The following CNTN5 variants were observed in gnomAD, a reference collection of about 807,000 sequenced individuals.
CNTN5 encodes contactin-5.
Under a neutral mutation model 129.1 loss-of-function variants are expected in CNTN5, and 77 were observed. The observed-to-expected ratio is 0.60, with a 90% confidence interval of 0.50 to 0.72. The LOEUF (loss-of-function observed/expected upper bound fraction) is 0.72. Among genes scored for constraint, CNTN5 ranks in the 30% least tolerant of loss-of-function variants. The pLI is 0.00. For synonymous variants in CNTN5, 509 were observed against 465.6 expected, an observed-to-expected ratio of 1.09 and a Z score of -1.20; for missense variants, 1,478 against 1,328.8, an observed-to-expected ratio of 1.11 and a Z score of -1.75.
rs566359429 is a variant in CNTN5, at chr11:100,143,610, AG to A, written c.1581-47512del. Among the ~76,000 whole-genome samples the A allele has an allele frequency of 8.5e-4, 130 of 152,158 alleles. 1 individual carries two copies. Among genetic ancestry groups the A allele is most frequent in the Non-Finnish European group, 1.2e-3 (80 of 68,018 alleles). On this transcript the variant is annotated intron_variant, in intron 13 of 24. Coordinates refer to ENST00000524871, the MANE Select transcript of CNTN5 (RefSeq NM_014361.4). ...AAAAAAGGAAGGAGATTCCAAGGGA[AG>A]GGGAGGGCAATGTTTATGAACTACA...
At chr11:99,276,958 A>T (rs1863466608) in intron 1 of CNTN5, among the ~76,000 whole-genome samples, 1 of 151,624 alleles carries the variant, frequency 6.6e-6, no homozygotes, top group Non-Finnish European at 1.5e-5. Context: ...GGCTGCAATT[A>T]TTAGGATATG....
chr11:99,997,959 T>C (rs1000678317), intron 8 of CNTN5, among the ~76,000 whole-genome samples: 4 of 152,164 alleles, frequency 2.6e-5, no homozygotes, highest in African/African-American at 9.7e-5. Flanking sequence ...TCAACAATCT[T>C]CATGCTAAAA....
chr11:100,070,506 A>G lies in CNTN5; in HGVS notation c.1245A>G (p.Gly415=). The part of the protein sequence containing the change: ...SPLRWECKAT[G]KPRPTYRWLK... ...TCCGATGGGAATGTAAGGCTACTGG[A>G]AAACCCAGACCCACGTATCGTTGGC... is the stretch of plus-strand genomic sequence containing the variant. Residue 415 remains glycine, a synonymous_variant, in exon 11 of 25, where the codon GGA becomes GGG. Transcript: ENST00000524871. The G allele has an allele frequency of 6.2e-7, 1 of 1,613,176 alleles. No individual in the cohort carries two copies. The highest frequency in any genetic ancestry group is 1.7e-5 in the Admixed American group (1 of 59,898).
chr11:100,004,963 C>A (rs1041729272), intron 9 of CNTN5, among the ~76,000 whole-genome samples: 1 of 152,148 alleles, frequency 6.6e-6, no homozygotes, highest in Non-Finnish European at 1.5e-5. Context: ...TACAAGCCTG[C>A]GGATGCAATT....
chr11:99,497,041 G>A, intron 2 of CNTN5, among the ~76,000 whole-genome samples: 1 of 152,170 alleles, frequency 6.6e-6, no homozygotes, highest in Non-Finnish European at 1.5e-5. Context: ...AAATGTAGAT[G>A]TTAGCACTTC....
chr11:99,642,103 T>G (rs1591408024), intron 3 of CNTN5, among the ~76,000 whole-genome samples: 1 of 152,168 alleles, frequency 6.6e-6, no homozygotes, highest in Non-Finnish European at 1.5e-5. Context: ...TCATTCTACT[T>G]AAGAGAATGA....
At chr11:99,025,816 G>A (rs944232826) in intron 1 of CNTN5, among the ~76,000 whole-genome samples, 2 of 151,508 alleles carry the variant, frequency 1.3e-5, no homozygotes, top group Non-Finnish European at 3.0e-5. Context: ...AGTATATAAA[G>A]TTTTATCTTT....
intron 1 of CNTN5, among the ~76,000 whole-genome samples, chr11:99,201,022 CTTTTTTTTTT>C (rs755605041): frequency 6.0e-5 from 5 of 83,172 alleles, no homozygotes; most frequent in Non-Finnish European, 1.1e-4. Context: ...TCCTTCCTTC[CTTTTTTTTTT>C]TTTTTTTTTT....
intron 9 of CNTN5, among the ~76,000 whole-genome samples, chr11:100,044,390 T>G (rs1942552613): frequency 6.6e-6 from 1 of 152,108 alleles, no homozygotes; most frequent in Non-Finnish European, 1.5e-5. Context: ...CTATGTTTAG[T>G]TATTTGAGAA....
intron 3 of CNTN5, among the ~76,000 whole-genome samples, chr11:99,698,069 T>TC (rs1278130962): frequency 6.7e-6 from 1 of 149,700 alleles, no homozygotes; most frequent in Non-Finnish European, 1.5e-5. Context: ...AGTGTTTTTT[T>TC]TTTTAACTTC....
chr11:99,231,661 C>A (rs1480539163), intron 1 of CNTN5, among the ~76,000 whole-genome samples: 1 of 152,044 alleles, frequency 6.6e-6, no homozygotes, highest in East Asian at 1.9e-4. Context: ...AAACTAGATC[C>A]CATTTGTCAA....
chr11:99,175,380 G>C (rs1023704920), intron 1 of CNTN5, among the ~76,000 whole-genome samples: 1 of 152,154 alleles, frequency 6.6e-6, no homozygotes. Context: ...ACAGAGAAAA[G>C]GTCAGATAAT....
At chr11:99,091,468 A>T (rs1866248611) in intron 1 of CNTN5, among the ~76,000 whole-genome samples, 2 of 152,248 alleles carry the variant, frequency 1.3e-5, no homozygotes, top group Non-Finnish European at 2.9e-5. Flanking sequence ...TTCACAGAGT[A>T]GAAAGCTGTT....
intron 1 of CNTN5, among the ~76,000 whole-genome samples, chr11:99,105,511 TACAACATACTTAGCATCTA>T (rs890432211): frequency 3.9e-5 from 6 of 152,136 alleles, no homozygotes; most frequent in African/African-American, 1.4e-4. Flanking sequence ...ATCATATTCC[TACAACATACTTAGCATCTA>T]GTCATGCAGC....
At chr11:99,282,763 G>C (rs1466552138) in intron 1 of CNTN5, among the ~76,000 whole-genome samples, 1 of 151,970 alleles carries the variant, frequency 6.6e-6, no homozygotes, top group South Asian at 2.1e-4. Context: ...AAACAGGAAA[G>C]CGTTACTTTT....
At chr11:99,599,760 A>G (rs1259931071) in intron 3 of CNTN5, among the ~76,000 whole-genome samples, 2 of 152,180 alleles carry the variant, frequency 1.3e-5, no homozygotes, top group African/African-American at 4.8e-5. Flanking sequence ...TGTTTACAAC[A>G]TATTGAATGG....
rs533634256 is a variant in CNTN5, at chr11:99,287,209, A to ATTCAT, written c.-209-38136_-209-38132dup. Among the ~76,000 whole-genome samples the ATTCAT allele has an allele frequency of 1.1e-4, 16 of 152,286 alleles. No homozygotes were observed. The South Asian group carries it at 2.5e-3, about 24-fold the overall frequency. On this transcript the variant is annotated intron_variant, in intron 1 of 24. Coordinates refer to ENST00000524871, the MANE Select transcript of CNTN5 (RefSeq NM_014361.4). ...CACTTAGGTGGTTGAACTTGTTGAC[A>ATTCAT]TTCATATTTCATTTCATTTTATCCT...
chr11:99,790,561 C>T lies in CNTN5; in HGVS notation c.56-28983C>T, dbSNP rs141485190. Reference sequence around the variant, plus strand: ...CGTGTGTGTATCACATTTTCTTTACCCAGTCTACCATTCATGGGAATTTAG... The same window carrying T: ...CGTGTGTGTATCACATTTTCTTTACTCAGTCTACCATTCATGGGAATTTAG... On this transcript the variant is annotated intron_variant, in intron 3 of 24. Transcript: ENST00000524871. Among the ~76,000 whole-genome samples the T allele has an allele frequency of 5.6e-3, 859 of 152,144 alleles. 6 individuals carry two copies. Among genetic ancestry groups the T allele is most frequent in the African/African-American group, 0.02 (810 of 41,506 alleles).
intron 3 of CNTN5, among the ~76,000 whole-genome samples, chr11:99,779,041 T>C (rs1945222627): frequency 6.6e-6 from 1 of 151,872 alleles, no homozygotes; most frequent in Non-Finnish European, 1.5e-5. Context: ...AGAAAATTTT[T>C]AAAAAGACAC....
Sources: gnomAD v4.1 joint callset for allele counts (sites outside exome capture counted in the v4.1 genomes callset) on GRCh38, gnomAD v4.1.1 for gene constraint, MANE v1.5 for transcripts, NCBI Gene and HGNC (gene_info 2026-07-23, HGNC 2026-07-21) for gene names.